The following KDM6A variants were observed in gnomAD, a reference collection of about 807,000 sequenced individuals.
KDM6A encodes the protein lysine-specific demethylase 6A.
In KDM6A, 11 loss-of-function variants were observed where a neutral mutation model predicts 117.6. The ratio of observed to expected loss-of-function variants is 0.09; its 90% CI spans 0.06 to 0.15. The LOEUF (loss-of-function observed/expected upper bound fraction) is 0.15. KDM6A is among the 10% of genes least tolerant of loss of function. KDM6A has a pLI of 1.00. For synonymous variants in KDM6A, 384 were observed against 396.1 expected (o/e 0.97, Z 0.36); for missense variants, 799 against 1,077.3 (o/e 0.74, Z 3.62).
chrX:45,028,697 C>T (rs1010965949), intron 6 of KDM6A, among the ~76,000 whole-genome samples: 4 of 111,758 alleles, frequency 3.6e-5, no homozygotes, highest in Admixed American at 1.9e-4. Context: ...TTGTACTTTA[C>T]CAATTTCCTA....
rs866749471 is a variant in KDM6A, at chrX:44,941,155, C to A, written c.226-20129C>A. On this transcript the variant is annotated intron_variant, in intron 2 of 29. Coordinates refer to ENST00000611820, the MANE Select transcript of KDM6A (RefSeq NM_001291415.2). ...TGGCATTTTCTTTTAATAAAAAAAA[C>A]AAGGTGGTATGATTACTGTAGTGTT... Among the ~76,000 whole-genome samples the A allele has an allele frequency of 3.6e-5, 4 of 109,917 alleles. 1 individual carries two copies. Among genetic ancestry groups the A allele is most frequent in the African/African-American group, 1.4e-4 (4 of 28,918 alleles).
chrX:44,988,524 T>C (rs776083533), intron 4 of KDM6A, among the ~76,000 whole-genome samples: 1 of 111,323 alleles, frequency 9.0e-6, no homozygotes, highest in South Asian at 3.8e-4. Context: ...CTCTGTTTTT[T>C]CCCCATCTTT....
At chrX:45,009,707 C>T (rs1432929818) in intron 4 of KDM6A, among the ~76,000 whole-genome samples, 1 of 111,502 alleles carries the variant, frequency 9.0e-6, no homozygotes, top group Non-Finnish European at 1.9e-5. Context: ...TATAATTACC[C>T]TAGTTCCTTC....
At chrX:45,014,020 G>T (rs1386008386) in intron 5 of KDM6A, among the ~76,000 whole-genome samples, 1 of 111,740 alleles carries the variant, frequency 8.9e-6, no homozygotes, top group Admixed American at 9.5e-5. Context: ...CTGGGGATGA[G>T]TATGGGTTCT....
intron 27 of KDM6A, among the ~76,000 whole-genome samples, chrX:45,093,381 AAAACAAAC>A (rs1238787205): frequency 1.9e-5 from 2 of 107,111 alleles, no homozygotes; most frequent in African/African-American, 7.1e-5. Flanking sequence ...TCTCAAAAAA[AAAACAAAC>A]AAACAAACAA....
chrX:45,084,467 C>T (rs760770961), intron 24 of KDM6A, among the ~76,000 whole-genome samples: 52 of 111,689 alleles, frequency 4.7e-4, no homozygotes, highest in African/African-American at 1.6e-3. Flanking sequence ...CTACTTGATG[C>T]AGCCATGGTT....
intron 2 of KDM6A, among the ~76,000 whole-genome samples, chrX:44,890,811 C>T (rs1602069404): frequency 9.3e-6 from 1 of 107,814 alleles, no homozygotes; most frequent in Non-Finnish European, 1.9e-5. Context: ...CCCGCCACTA[C>T]GCACATCTAA....
In KDM6A at chrX:45,082,628, C is replaced by A; in HGVS notation, c.3353C>A (p.Thr1118Lys). 1 of 1,187,981 alleles carries A rather than the reference C, an allele frequency of 8.4e-7. No individual in the cohort carries two copies. The highest frequency in any genetic ancestry group is 1.1e-6 in the Non-Finnish European group (1 of 874,857). Residue 1118 changes from threonine (T) to lysine (K), a missense_variant, in exon 22 of 30, where the codon ACA (threonine) becomes AAA (lysine). Around this residue, in one of 8 missense-constraint regions of KDM6A, gnomAD observed 291 missense variants for 437.9 expected, o/e 0.66. Coordinates refer to ENST00000611820, the MANE Select transcript of KDM6A (RefSeq NM_001291415.2). Reference protein sequence around the residue: ...HHKDHSDSESTSSDNSGRRRK... With the variant: ...HHKDHSDSESKSSDNSGRRRK... ...AAAGACCACTCAGATAGTGAATCTA[C>A]ATCGTCAGATAAGTAAGTCATTTTT...
chrX:44,994,515 G>T (rs1193380452), intron 4 of KDM6A, among the ~76,000 whole-genome samples: 1 of 112,169 alleles, frequency 8.9e-6, no homozygotes, highest in Non-Finnish European at 1.9e-5. Flanking sequence ...TCCTTCAATG[G>T]ATACTTTGGT....
chrX:45,079,919 T>C (rs1191676868), intron 21 of KDM6A, among the ~76,000 whole-genome samples: 1 of 112,263 alleles, frequency 8.9e-6, no homozygotes, highest in African/African-American at 3.2e-5. Context: ...GAAATAGAAT[T>C]ACTGTCTAGT....
At chrX:44,874,278 G>A (rs927510681) in intron 2 of KDM6A, among the ~76,000 whole-genome samples, 1 of 111,826 alleles carries the variant, frequency 8.9e-6, no homozygotes, top group African/African-American at 3.3e-5. Flanking sequence ...TTGAGGGTAG[G>A]CCGATGATCT....
intron 2 of KDM6A, among the ~76,000 whole-genome samples, chrX:44,959,563 T>C (rs2038554507): frequency 9.0e-6 from 1 of 110,814 alleles, no homozygotes; most frequent in Non-Finnish European, 1.9e-5. Flanking sequence ...GGTTTATAAA[T>C]AACCTAAGAG....
chrX:44,961,341 T>A lies in KDM6A; in HGVS notation c.283T>A (p.Phe95Ile), dbSNP rs1333217231. 1 of 1,202,435 alleles carries A rather than the reference T, an allele frequency of 8.3e-7. No individual in the cohort carries two copies. The highest frequency in any genetic ancestry group is 1.1e-6 in the Non-Finnish European group (1 of 888,886). The change falls in exon 3 of 30, where the codon TTC becomes ATC. Residue 95 changes from phenylalanine (F) to isoleucine (I), a missense_variant. Coordinates refer to ENST00000611820, the MANE Select transcript of KDM6A (RefSeq NM_001291415.2). ...AGCTGAAGGAAAAGTGGAGTCTGAT[T>A]TCTTTTGTCAATTAGGTCACTTCAA... ...LKAEGKVESD[F>I]FCQLGHFNLL...
At chrX:44,982,184 G>A (rs1465492518) in intron 4 of KDM6A, among the ~76,000 whole-genome samples, 7 of 111,504 alleles carry the variant, frequency 6.3e-5, no homozygotes, top group Non-Finnish European at 1.1e-4. Context: ...TTGATTAAAC[G>A]TTATGGTAAC....
chrX:45,020,788 G>A, intron 6 of KDM6A, 58 bp downstream of exon 6: 1 of 1,156,062 alleles, frequency 8.7e-7, no homozygotes, highest in Non-Finnish European at 1.2e-6. Context: ...TTTTGTTTTT[G>A]TTTTTCTTAA....
rs765653575 is a variant in KDM6A at position 45,022,616 on chromosome X, G to A, written c.564+1886G>A. Among the ~76,000 whole-genome samples, 96 of 112,000 alleles carry A rather than the reference G, an allele frequency of 8.6e-4. 1 individual carries two copies. The highest frequency in any genetic ancestry group is 2.5e-3 in the Admixed American group (26 of 10,558). The stretch of plus-strand genomic sequence containing the variant: ...CTAAAGTGCTTAGCATTCAGAATGA[G>A]TGAAGGTAGGAATAGAAGGAATGAT... On this transcript the variant is annotated intron_variant, in intron 6 of 29. Transcript: ENST00000611820.
rs2230018 is a variant in KDM6A, at chrX:45,069,832, C to A, written c.2333C>A (p.Thr778Lys). 0.13 allele frequency: 152,490 copies of A among 1,208,646 alleles called. 7,744 individuals are homozygous for A. The highest frequency in any genetic ancestry group is 0.42 in the East Asian group (14,248 of 33,627). The change falls in exon 18 of 30, where the codon ACG (threonine) becomes AAG (lysine). Residue 778 changes from threonine (T) to lysine (K), a missense_variant. Thr to Lys is a moderately conservative substitution (Grantham distance 78, BLOSUM62 -1). Transcript: ENST00000611820. The stretch of plus-strand genomic sequence containing the variant: ...AGCAAGCCTTCAGGAAACATATTGA[C>A]GGTGCCTGAAACAAGCAGGCACACT... Reference protein sequence around the residue: ...KESKPSGNILTVPETSRHTGE... With the variant: ...KESKPSGNILKVPETSRHTGE...
chrX:45,050,581 T>G (rs974337848), intron 8 of KDM6A, among the ~76,000 whole-genome samples: 3 of 111,923 alleles, frequency 2.7e-5, no homozygotes, highest in African/African-American at 9.7e-5. Flanking sequence ...TCTACCTACT[T>G]TTTTTTGAAA....
intron 2 of KDM6A, among the ~76,000 whole-genome samples, chrX:44,958,604 CT>C (rs34006049): frequency 5.0e-3 from 284 of 56,416 alleles, no homozygotes; most frequent in African/African-American, 0.013. Flanking sequence ...CTATATAGAC[CT>C]TTTTTTTTTT....
Sources: gnomAD v4.1 joint callset for allele counts (sites outside exome capture counted in the v4.1 genomes callset) on GRCh38, gnomAD v4.1.1 for gene constraint, gnomAD v4.1.1 regional missense constraint, MANE v1.5 for transcripts, NCBI Gene and HGNC (gene_info 2026-07-23, HGNC 2026-07-21) for gene names.